The following HIBADH variants were observed in gnomAD, a reference collection of about 807,000 sequenced individuals.
The protein encoded by HIBADH is 3-hydroxyisobutyrate dehydrogenase, mitochondrial.
Under a neutral mutation model 36.1 loss-of-function variants are expected in HIBADH, and 25 were observed. The observed-to-expected ratio is 0.69, with a 90% confidence interval of 0.50 to 0.97. The LOEUF (loss-of-function observed/expected upper bound fraction) is 0.97, where lower values mean the gene tolerates loss of function less well. HIBADH is among the 50% of genes least tolerant of loss of function. The probability of loss-of-function intolerance (pLI) is 0.00; values close to 1 mark genes in which losing one functional copy is unlikely to be tolerated. For missense variants in HIBADH, 421 were observed against 418.0 expected (o/e 1.01, Z -0.06); for synonymous variants, 160 against 149.5 (o/e 1.07, Z -0.51).
rs1355114131 is a variant in HIBADH, at chr7:27,613,178, TA to T, written c.484+16192del. ...ATAAATATATATATTTATATAAATATATTTATATAAATATATATATTTATAT... is the reference window on the plus strand; with the variant it reads ...ATAAATATATATATTTATATAAATATTTTATATAAATATATATATTTATAT... On this transcript the variant is annotated intron_variant, in intron 4 of 7. Transcript: ENST00000265395. 9.4e-3 allele frequency among the ~76,000 whole-genome samples: 90 copies of T among 9,622 alleles called. 1 individual carries two copies. The highest frequency in any genetic ancestry group is 0.068 in the South Asian group (35 of 516). The allele number at this position is 9,622 out of a possible 152,430, so 6.3% of individuals were successfully genotyped here. A position where few individuals can be genotyped will look rare whatever the true frequency, so the allele number is the denominator to read the frequency against.
chr7:27,550,988 C>G (rs1324182552), intron 4 of HIBADH, among the ~76,000 whole-genome samples: 1 of 149,958 alleles, frequency 6.7e-6, no homozygotes, highest in East Asian at 1.9e-4. Flanking sequence ...TTCACCACAC[C>G]ACACCAAACA....
chr7:27,630,201 C>G (rs546816630), intron 3 of HIBADH, among the ~76,000 whole-genome samples: 1 of 152,118 alleles, frequency 6.6e-6, no homozygotes, highest in Non-Finnish European at 1.5e-5. Context: ...AAGGGTATGG[C>G]TAACCTTTAA....
At chr7:27,626,104 GAAAAAA>G (rs70994672) in intron 4 of HIBADH, among the ~76,000 whole-genome samples, 7 of 72,504 alleles carry the variant, frequency 9.7e-5, no homozygotes, top group South Asian at 7.0e-4. Flanking sequence ...CTCCGTCTCA[GAAAAAA>G]AAAAAAAAAA....
chr7:27,527,918 G>GTTTTTTTTTTTTTTTTTT (rs746260280), intron 7 of HIBADH, among the ~76,000 whole-genome samples: 2 of 61,696 alleles, frequency 3.2e-5, no homozygotes, highest in Admixed American at 2.6e-4. Context: ...CACACCCAGC[G>GTTTTTTTTTTTTTTTTTT]TTTTTTTTTT....
At chr7:27,594,717 ACAGTAAAATAAAG>A (rs1249202581) in intron 4 of HIBADH, among the ~76,000 whole-genome samples, 17 of 152,194 alleles carry the variant, frequency 1.1e-4, no homozygotes, top group African/African-American at 4.1e-4. Context: ...ACCCTTCCAG[ACAGTAAAATAAAG>A]CAACGGAAAG....
At chr7:27,604,778 C>T (rs1052379535) in intron 4 of HIBADH, among the ~76,000 whole-genome samples, 1 of 152,022 alleles carries the variant, frequency 6.6e-6, no homozygotes, top group Non-Finnish European at 1.5e-5. Context: ...TTTAGTACAA[C>T]ACACATTCTC....
intron 4 of HIBADH, among the ~76,000 whole-genome samples, chr7:27,613,375 A>T (rs1319513936): frequency 1.9e-5 from 1 of 53,574 alleles, no homozygotes; most frequent in Non-Finnish European, 3.1e-5. Flanking sequence ...TCGTTTAGAT[A>T]GATAGACAGA....
At chr7:27,599,206 G>C (rs902807676) in intron 4 of HIBADH, among the ~76,000 whole-genome samples, 3 of 151,912 alleles carry the variant, frequency 2.0e-5, no homozygotes, top group Admixed American at 1.3e-4. Flanking sequence ...TTGTTATTTT[G>C]GATCCAAATA....
At chr7:27,543,294 C>G (rs1784186500) in intron 4 of HIBADH, among the ~76,000 whole-genome samples, 194 bp from the exon 5 acceptor site, 1 of 152,116 alleles carries the variant, frequency 6.6e-6, no homozygotes. Context: ...AATCACAAAC[C>G]AAGAGAGACA....
At chr7:27,635,228 T>C (rs189557370) in intron 2 of HIBADH, among the ~76,000 whole-genome samples, 111 of 152,152 alleles carry the variant, frequency 7.3e-4, no homozygotes, top group Non-Finnish European at 1.3e-3. Flanking sequence ...CCTGAAATAA[T>C]TGACTGACAA....
chr7:27,623,306 G>C (rs1785576845), intron 4 of HIBADH, among the ~76,000 whole-genome samples: 1 of 152,154 alleles, frequency 6.6e-6, no homozygotes, highest in South Asian at 2.1e-4. Context: ...ATATGGAATG[G>C]GGGAAAGTTG....
intron 1 of HIBADH, among the ~76,000 whole-genome samples, chr7:27,658,941 AT>A (rs1786362285): frequency 2.0e-5 from 3 of 152,146 alleles, no homozygotes; most frequent in Admixed American, 1.3e-4. Context: ...TCCTTATGTA[AT>A]TTCACAAGTT....
chr7:27,649,817 G>A (rs1437343435), intron 1 of HIBADH, among the ~76,000 whole-genome samples, 184 bp from the exon 2 acceptor site: 1 of 150,790 alleles, frequency 6.6e-6, no homozygotes, highest in Admixed American at 6.6e-5. Context: ...AGGACTGCTC[G>A]AGCCCAGGAG....
At chr7:27,635,597 A>G (rs569787612) in intron 2 of HIBADH, among the ~76,000 whole-genome samples, 19 of 152,344 alleles carry the variant, frequency 1.2e-4, no homozygotes, top group Admixed American at 1.2e-3. Context: ...CATATTTAGT[A>G]ATCTCAAGTT....
chr7:27,531,426 C>A, intron 6 of HIBADH, 78 bp from the exon 7 acceptor site: 1 of 1,223,432 alleles, frequency 8.2e-7, no homozygotes. Context: ...TATGGGGATG[C>A]TCCATCTTCT....
At chr7:27,625,084 A>C (rs558623749) in intron 4 of HIBADH, among the ~76,000 whole-genome samples, 1 of 152,352 alleles carries the variant, frequency 6.6e-6, no homozygotes, top group African/African-American at 2.4e-5. Context: ...TGCACGTAAC[A>C]ACCACATAAT....
At chr7:27,563,370 T>G (rs545603634) in intron 4 of HIBADH, among the ~76,000 whole-genome samples, 129 of 152,358 alleles carry the variant, frequency 8.5e-4, no homozygotes, top group African/African-American at 3.1e-3. Flanking sequence ...GGTTTTTGTG[T>G]GTACACAAGT....
At chr7:27,570,655 C>G (rs567833746) in intron 4 of HIBADH, among the ~76,000 whole-genome samples, 1 of 150,362 alleles carries the variant, frequency 6.7e-6, no homozygotes, top group South Asian at 2.1e-4. Flanking sequence ...AATCTCTACA[C>G]TTCAAACAGG....
intron 4 of HIBADH, among the ~76,000 whole-genome samples, chr7:27,611,673 C>G (rs1377246008): frequency 2.6e-5 from 4 of 152,278 alleles, no homozygotes; most frequent in African/African-American, 9.6e-5. Context: ...AAGCCCAGTT[C>G]ACTTTACTTT....
Sources: allele counts gnomAD v4.1 joint callset (sites outside exome capture counted in the v4.1 genomes callset), GRCh38; gene constraint gnomAD v4.1.1; transcripts MANE v1.5; gene names NCBI Gene and HGNC (gene_info 2026-07-23, HGNC 2026-07-21).